Variants in MECOM observed in about 807,000 individuals in gnomAD.
MECOM encodes the protein histone-lysine N-methyltransferase MECOM.
A neutral mutation model predicts 116.3 loss-of-function variants in MECOM; 13 were observed. The ratio of observed to expected loss-of-function variants is 0.11; its 90% CI spans 0.07 to 0.18. The LOEUF is 0.18. MECOM is among the 10% of genes least tolerant of loss of function. The pLI is 1.00. For missense variants in MECOM, 1,299 were observed against 1,509.0 expected (o/e 0.86, Z 2.31); for synonymous variants, 528 against 535.2 (o/e 0.99, Z 0.19).
At chr3:169,319,799 A>G (rs925710164) in intron 2 of MECOM, among the ~76,000 whole-genome samples, 7 of 152,212 alleles carry the variant, frequency 4.6e-5, no homozygotes, top group African/African-American at 1.7e-4. Context: ...TTGTTGTGTG[A>G]ACTAAATGAG....
At chr3:169,182,196 C>T (rs1342112640) in intron 2 of MECOM, among the ~76,000 whole-genome samples, 1 of 152,112 alleles carries the variant, frequency 6.6e-6, no homozygotes, top group Non-Finnish European at 1.5e-5. Flanking sequence ...ATAGAGCTGC[C>T]AAGGCTAACA....
In MECOM at chr3:169,557,539, C is replaced by T. The variant is rs190907700; in HGVS notation, c.37+105797G>A. On this transcript the variant is annotated intron_variant, in intron 1 of 16. Coordinates refer to ENST00000651503, the MANE Select transcript of MECOM (RefSeq NM_004991.4). The stretch of plus-strand genomic sequence containing the variant: ...CTGAAGCTTTTCAACAAAAACAACT[C>T]GTGGAATACTGGAGGCAGATGATAT... 1.5e-3 allele frequency among the ~76,000 whole-genome samples: 233 copies of T among 152,296 alleles called. 2 individuals carry two copies. Among genetic ancestry groups the T allele is most frequent in the Non-Finnish European group, 3.4e-4 (23 of 68,028 alleles).
chr3:169,237,610 CAAAAAAAAAA>C (rs775383808), intron 2 of MECOM, among the ~76,000 whole-genome samples: 4 of 80,644 alleles, frequency 5.0e-5, no homozygotes, highest in African/African-American at 1.4e-4. Context: ...GTCTCCATCA[CAAAAAAAAAA>C]AAAAAAAAAA....
rs576170546 is a variant in MECOM at position 169,521,031 on chromosome 3, A to G, written c.38-139507T>C. ...AGATGAAGCTCAATAAATGGGAAGG[A>G]CAATATTGATCATTAATATTACTAG... On this transcript the variant is annotated intron_variant, in intron 1 of 16. Coordinates refer to ENST00000651503, the MANE Select transcript of MECOM (RefSeq NM_004991.4). Among the ~76,000 whole-genome samples the G allele has an allele frequency of 2.0e-5, 3 of 152,338 alleles. No homozygotes were observed. In the East Asian group the frequency reaches 5.8e-4, roughly 29 times the overall value.
intron 2 of MECOM, chr3:169,146,764 C>T: frequency 8.6e-7 from 1 of 1,163,836 alleles, no homozygotes; most frequent in Non-Finnish European, 1.1e-6. Context: ...AATAGGCATT[C>T]ACAGAAGAAT....
chr3:169,663,210 C>A, intron 1 of MECOM, 126 bp downstream of exon 1: 1 of 1,095,530 alleles, frequency 9.1e-7, no homozygotes, highest in Non-Finnish European at 1.3e-6. Context: ...GGCTGCGCTC[C>A]GCCTGCCCTC....
intron 2 of MECOM, among the ~76,000 whole-genome samples, chr3:169,164,353 T>C (rs1743256700): frequency 6.6e-6 from 1 of 152,198 alleles, no homozygotes; most frequent in Non-Finnish European, 1.5e-5. Flanking sequence ...TTCCACCCTG[T>C]TGTGAGGCCT....
At chr3:169,609,229 A>C (rs1432784707) in intron 1 of MECOM, among the ~76,000 whole-genome samples, 4 of 152,156 alleles carry the variant, frequency 2.6e-5, no homozygotes, top group Non-Finnish European at 5.9e-5. Flanking sequence ...CAGTCAATGG[A>C]GCCTCCTCTG....
chr3:169,503,636 G>A (rs963148205), intron 1 of MECOM, among the ~76,000 whole-genome samples: 2 of 152,112 alleles, frequency 1.3e-5, no homozygotes, highest in African/African-American at 4.8e-5. Flanking sequence ...ATCAAAATTT[G>A]CTTCTTAATG....
chr3:169,620,973 C>T (rs1290052898), intron 1 of MECOM, among the ~76,000 whole-genome samples: 1 of 152,174 alleles, frequency 6.6e-6, no homozygotes, highest in African/African-American at 2.4e-5. Context: ...ATTCAAAGAG[C>T]TCTGCGGTCT....
rs5854312 is a variant in MECOM at position 169,172,407 on chromosome 3, A to ATGTGTGTGTGTG, written c.376-28587_376-28576dup. ...CATTTACTTCCGCAGGTACCCTTGT[A>ATGTGTGTGTGTG]TGTGTGTGTGTGTGTGTGTGTGTGT... is the stretch of plus-strand genomic sequence containing the variant. On this transcript the variant is annotated intron_variant, in intron 2 of 16. Coordinates refer to ENST00000651503, the MANE Select transcript of MECOM (RefSeq NM_004991.4). Among the ~76,000 whole-genome samples, 672 of 144,454 alleles carry ATGTGTGTGTGTG rather than the reference A, an allele frequency of 4.7e-3. 7 individuals are homozygous for ATGTGTGTGTGTG. Among genetic ancestry groups the ATGTGTGTGTGTG allele is most frequent in the East Asian group, 0.043 (209 of 4,858 alleles). 94.8% of individuals were successfully genotyped at this position (144,454 alleles called of 152,430 possible).
chr3:169,233,929 A>C (rs1207310957), intron 2 of MECOM, among the ~76,000 whole-genome samples: 3 of 152,128 alleles, frequency 2.0e-5, no homozygotes, highest in Non-Finnish European at 4.4e-5. Flanking sequence ...AGTTTTTTAA[A>C]TGAATTACCT....
chr3:169,486,985 G>A (rs896062700), intron 1 of MECOM, among the ~76,000 whole-genome samples: 1 of 151,692 alleles, frequency 6.6e-6, no homozygotes, highest in South Asian at 2.1e-4. Flanking sequence ...AAATCATCAA[G>A]TTCTATTTAG....
At position 169,116,147 on chromosome 3, in the gene MECOM, G is replaced by A. The variant is rs1308621397; in HGVS notation, c.1725C>T (p.Asp575=). ...SEERPFEKIS[D]QSESSDLDDV... ...CATCAAGGTCACTACTCTCTGACTG[G>A]TCACTGATTTTCTCAAAGGGCCTCT... The change falls in exon 8 of 17, where the codon GAC becomes GAT. Residue 575 remains aspartate (D), a synonymous_variant. Transcript: ENST00000651503. 2 of 1,614,100 alleles carry A rather than the reference G, an allele frequency of 1.2e-6. No homozygotes were observed. Among genetic ancestry groups the A allele is most frequent in the Admixed American group, 1.7e-5 (1 of 60,014 alleles).
intron 1 of MECOM, among the ~76,000 whole-genome samples, chr3:169,595,861 A>T (rs1250934985): frequency 6.6e-6 from 1 of 152,184 alleles, no homozygotes; most frequent in South Asian, 2.1e-4. Context: ...TTTAAAGTAG[A>T]CATTATTTTA....
chr3:169,165,763 C>G (rs981814110), intron 2 of MECOM, among the ~76,000 whole-genome samples: 1 of 152,150 alleles, frequency 6.6e-6, no homozygotes, highest in Non-Finnish European at 1.5e-5. Flanking sequence ...GTGGCTCTTC[C>G]TTCTACATTT....
chr3:169,204,325 C>G (rs902537490), intron 2 of MECOM, among the ~76,000 whole-genome samples: 1 of 152,158 alleles, frequency 6.6e-6, no homozygotes. Context: ...GAATTTTGTT[C>G]TATGCCCCTT....
At chr3:169,339,189 C>A (rs1724068356) in intron 2 of MECOM, among the ~76,000 whole-genome samples, 1 of 152,162 alleles carries the variant, frequency 6.6e-6, no homozygotes, top group Admixed American at 6.6e-5. Flanking sequence ...TTATAACTTA[C>A]CACCTTGCCA....
rs1768119883 is a variant in MECOM at position 169,603,695 on chromosome 3, G to A, written c.37+59641C>T. Among the ~76,000 whole-genome samples, 3 of 152,124 alleles carry A rather than the reference G, an allele frequency of 2.0e-5. No individual in the cohort carries two copies. The South Asian group carries it at 6.2e-4, about 32-fold the overall frequency. On this transcript the variant is annotated intron_variant, in intron 1 of 16. Transcript: ENST00000651503. ...ATGGTATTCAGTACAGTAACATGCT[G>A]TACAGGTTTGTAGCCTAGGAGCAAC...
Sources: allele counts gnomAD v4.1 joint callset (sites outside exome capture counted in the v4.1 genomes callset), GRCh38; gene constraint gnomAD v4.1.1; transcripts MANE v1.5; gene names NCBI Gene and HGNC (gene_info 2026-07-23, HGNC 2026-07-21).